The following RERE variants were observed in gnomAD, a reference collection of about 807,000 sequenced individuals.
RERE encodes arginine-glutamic acid dipeptide repeats protein.
Under a neutral mutation model 146.1 loss-of-function variants are expected in RERE, and 40 were observed. The observed-to-expected ratio is 0.27, with a 90% CI of 0.21 to 0.36. RERE has a LOEUF of 0.36. Ranked by LOEUF, RERE falls within the 10% of genes least tolerant of loss-of-function variation. The pLI, the probability that RERE is intolerant of heterozygous loss-of-function variation, is 1.00. For missense variants in RERE, 1,933 were observed against 2,138.7 expected (o/e 0.90, Z 1.90); for synonymous variants, 1,003 against 866.0 (o/e 1.16, Z -2.78).
At chr1:8,420,904 G>A (rs985381231) in intron 12 of RERE, among the ~76,000 whole-genome samples, 2 of 152,200 alleles carry the variant, frequency 1.3e-5, no homozygotes, top group South Asian at 4.1e-4. Context: ...ATTTATTTAC[G>A]GAGTCACACA....
intron 2 of RERE, among the ~76,000 whole-genome samples, chr1:8,648,177 G>T (rs900662308): frequency 1.3e-5 from 2 of 152,110 alleles, no homozygotes; most frequent in Non-Finnish European, 2.9e-5. Flanking sequence ...TCTATAAAAG[G>T]AATTATACAG....
intron 11 of RERE, among the ~76,000 whole-genome samples, chr1:8,451,381 GA>G (rs370651020): frequency 1.3e-5 from 2 of 152,162 alleles, no homozygotes; most frequent in African/African-American, 4.8e-5. Flanking sequence ...GCAGTGAGCT[GA>G]GATTGTGCCA....
intron 1 of RERE, among the ~76,000 whole-genome samples, chr1:8,709,195 C>T (rs1416500331): frequency 3.3e-5 from 5 of 151,988 alleles, no homozygotes; most frequent in Non-Finnish European, 7.4e-5. Flanking sequence ...GCTGGGATTA[C>T]AGGCGTGAGC....
intron 12 of RERE, among the ~76,000 whole-genome samples, chr1:8,403,141 C>T (rs908752605): frequency 1.3e-5 from 2 of 152,122 alleles, no homozygotes; most frequent in Non-Finnish European, 2.9e-5. Context: ...CCGTGATCTG[C>T]CCATCTCGGC....
chr1:8,784,284 C>T (rs1641221833), intron 1 of RERE, among the ~76,000 whole-genome samples: 1 of 152,186 alleles, frequency 6.6e-6, no homozygotes, highest in Admixed American at 6.5e-5. Context: ...TATCCTGACT[C>T]CCCTATTTAA....
In RERE at chr1:8,534,502, C is replaced by T. The variant is rs552459492; in HGVS notation, c.830+6712G>A. Among the ~76,000 whole-genome samples the T allele has an allele frequency of 2.6e-3, 392 of 152,286 alleles. 1 individual carries two copies. The highest frequency in any genetic ancestry group is 7.8e-3 in the Admixed American group (120 of 15,304). ...AGATACAAACACACGCACTCCCTAG[C>T]TCTGTTTCTCAGAAGGTCAGAGAGC... On this transcript the variant is annotated intron_variant, in intron 7 of 22. Transcript: ENST00000400908.
At chr1:8,571,482 T>C (rs755252192) in intron 4 of RERE, among the ~76,000 whole-genome samples, 18 of 152,162 alleles carry the variant, frequency 1.2e-4, no homozygotes, top group Non-Finnish European at 2.5e-4. Context: ...GCCTGCATAA[T>C]AGGAATCCAA....
intron 20 of RERE, among the ~76,000 whole-genome samples, chr1:8,357,449 A>C (rs1244128442): frequency 6.6e-6 from 1 of 152,176 alleles, no homozygotes; most frequent in Non-Finnish European, 1.5e-5. Context: ...CTGCTCTATC[A>C]GTCATCCTGC....
At position 8,423,867 on chromosome 1, in the gene RERE, C is replaced by A; in HGVS notation, c.1204-1060G>T. 5.5e-6 allele frequency: 1 copy of A among 183,454 alleles called. No individual in the cohort carries two copies. Among genetic ancestry groups the A allele is most frequent in the South Asian group, 1.7e-4 (1 of 5,798 alleles). 11.4% of individuals were successfully genotyped at this position (183,454 alleles called of 1,614,324 possible). A position where few individuals can be genotyped will look rare whatever the true frequency, so the allele number is the denominator to read the frequency against. On this transcript the variant is annotated intron_variant, in intron 11 of 22. Coordinates refer to ENST00000400908, the MANE Select transcript of RERE (RefSeq NM_001042681.2). This position sits in a 1 kb window ranked among gnomAD's most constrained non-coding sequence, Gnocchi z 5.4. The stretch of plus-strand genomic sequence containing the variant: ...TGCCGCCGCCCTCCTGTCCGCCAGC[C>A]GGGGCCCCGCGCCCCGGCCCCGGCC...
chr1:8,624,470 T>A, intron 2 of RERE, 90 bp from the exon 3 acceptor site: 2 of 805,574 alleles, frequency 2.5e-6, no homozygotes, highest in South Asian at 3.1e-5. Flanking sequence ...AATAAATAAA[T>A]GACAAAGCAC....
chr1:8,665,074 T>G (rs1052027058), intron 1 of RERE, among the ~76,000 whole-genome samples: 28 of 152,168 alleles, frequency 1.8e-4, no homozygotes, highest in African/African-American at 6.8e-4. Context: ...CCTCCCTCAG[T>G]TCCCAGAACA....
intron 1 of RERE, among the ~76,000 whole-genome samples, chr1:8,698,093 A>C (rs1012953564): frequency 6.6e-6 from 1 of 152,228 alleles, no homozygotes; most frequent in South Asian, 2.1e-4. Context: ...TATATTTAAC[A>C]TTTTTTAAAT....
chr1:8,733,301 T>C (rs1640129459), intron 1 of RERE, among the ~76,000 whole-genome samples: 1 of 152,194 alleles, frequency 6.6e-6, no homozygotes, highest in Non-Finnish European at 1.5e-5. Context: ...AAGAGCCACA[T>C]CTTGAAACCA....
intron 12 of RERE, among the ~76,000 whole-genome samples, chr1:8,386,013 T>A (rs2124416320): frequency 2.4e-5 from 1 of 42,252 alleles, no homozygotes; most frequent in East Asian, 5.0e-4. Flanking sequence ...TATATATATA[T>A]ATATATATAT....
intron 12 of RERE, among the ~76,000 whole-genome samples, chr1:8,404,396 C>T (rs1393944834): frequency 4.6e-5 from 7 of 151,332 alleles, no homozygotes; most frequent in East Asian, 2.0e-4. Flanking sequence ...CCTGCCTCGG[C>T]GACATAGTGA....
In RERE at chr1:8,360,581, A is replaced by T; in HGVS notation, c.2926T>A (p.Ser976Thr). 1 of 1,456,412 alleles carries T rather than the reference A, an allele frequency of 6.9e-7. No individual in the cohort carries two copies. The highest frequency in any genetic ancestry group is 9.1e-7 in the Non-Finnish European group (1 of 1,094,284). The allele number at this position is 1,456,412 out of a possible 1,614,324, so 90.2% of individuals were successfully genotyped here. The change falls in exon 18 of 23, where the codon TCC becomes ACC. Residue 976 changes from serine (S) to threonine (T), a missense_variant. By Grantham distance (58) the Ser-to-Thr change is moderately conservative. Coordinates refer to ENST00000400908, the MANE Select transcript of RERE (RefSeq NM_001042681.2). ...TGAGCCGACGGGGGGTGATGTGTGG[A>T]CAGGGAGCTCAGGGGCTTCAGGGCT... ...PPALKPLSSL[S>T]THHPPSAHPP...
At chr1:8,514,528 G>A (rs1005406413) in intron 7 of RERE, among the ~76,000 whole-genome samples, 5 of 152,080 alleles carry the variant, frequency 3.3e-5, no homozygotes, top group South Asian at 2.1e-4. Context: ...TCAGGAGTTC[G>A]AAACCAGCCT....
chr1:8,379,052 G>A (rs1642356975), intron 12 of RERE, among the ~76,000 whole-genome samples: 1 of 152,154 alleles, frequency 6.6e-6, no homozygotes, highest in Non-Finnish European at 1.5e-5. Flanking sequence ...CCCTCACGAC[G>A]GCTGCATTCT....
intron 1 of RERE, among the ~76,000 whole-genome samples, chr1:8,763,023 A>C (rs1640784041): frequency 6.6e-6 from 1 of 152,220 alleles, no homozygotes; most frequent in Non-Finnish European, 1.5e-5. Flanking sequence ...GGGTCCAGTA[A>C]GCTTAAAAAA....
Sources: gnomAD v4.1 joint callset for allele counts (sites outside exome capture counted in the v4.1 genomes callset) on GRCh38, gnomAD v4.1.1 for gene constraint, Gnocchi (gnomAD v3.1) non-coding constraint, MANE v1.5 for transcripts, NCBI Gene and HGNC (gene_info 2026-07-23, HGNC 2026-07-21) for gene names.